The following LGALS3 variants were observed in gnomAD, a reference collection of about 807,000 sequenced individuals.
LGALS3 encodes galectin 3.
LGALS3 carries 18 observed loss-of-function variants against 20.7 expected under a neutral mutation model. The observed-to-expected ratio is 0.87, with a 90% CI of 0.60 to 1.29. The LOEUF (loss-of-function observed/expected upper bound fraction) is 1.29. Ranked by LOEUF, LGALS3 falls within the 50% of genes most tolerant of loss-of-function variation. LGALS3 has a pLI of 0.00. For missense variants in LGALS3, 315 were observed against 314.7 expected (o/e 1.00, Z -0.01); for synonymous variants, 112 against 119.6 (o/e 0.94, Z 0.42).
At chr14:55,131,636 C>T (rs528660103) in intron 1 of LGALS3, among the ~76,000 whole-genome samples, 3 of 152,346 alleles carry the variant, frequency 2.0e-5, no homozygotes, top group Non-Finnish European at 4.4e-5. Flanking sequence ...TGAACTGGAT[C>T]TTCTCATTAA....
chr14:55,140,442 T>C, intron 4 of LGALS3, 79 bp downstream of exon 4: 1 of 856,086 alleles, frequency 1.2e-6, no homozygotes, highest in Non-Finnish European at 1.9e-6. Context: ...TTTTTTCTTC[T>C]TGCCCTGTCT....
chr14:55,143,425 AC>A, intron 5 of LGALS3: 1 of 366,188 alleles, frequency 2.7e-6, no homozygotes, highest in South Asian at 2.0e-5. Flanking sequence ...ACTTAATAGC[AC>A]TTTTTTTTTT....
chr14:55,140,420 G>A, intron 4 of LGALS3, 57 bp downstream of exon 4: 1 of 1,109,486 alleles, frequency 9.0e-7, no homozygotes, highest in Non-Finnish European at 1.3e-6. Flanking sequence ...TTTGAATAAA[G>A]AATGGCCTAC....
Position 55,142,685 on chromosome 14 carries a change from A to G in LGALS3, c.533A>G (p.Asp178Gly). 6.2e-7 allele frequency: 1 copy of G among 1,614,020 alleles called. No individual in the cohort carries two copies. The highest frequency in any genetic ancestry group is 8.5e-7 in the Non-Finnish European group (1 of 1,179,864). The change falls in exon 5 of 6, where the codon GAT becomes GGT. Residue 178 changes from aspartate to glycine, a missense_variant. By Grantham distance (94) the Asp-to-Gly change is moderately conservative. Transcript: ENST00000254301. ...GTCATTGTTTGCAATACAAAGCTGG[A>G]TAATAACTGGGGAAGGGAAGAAAGA... Reference protein sequence around the residue: ...RRVIVCNTKLDNNWGREERQS... With the variant: ...RRVIVCNTKLGNNWGREERQS...
At chr14:55,144,513 T>C (rs2140297962) in intron 5 of LGALS3, among the ~76,000 whole-genome samples, 1 of 140,472 alleles carries the variant, frequency 7.1e-6, no homozygotes, top group East Asian at 2.0e-4. Flanking sequence ...ATCCTTCTAA[T>C]AAATTTGCTG....
At chr14:55,139,658 G>A (rs1594653158) in intron 3 of LGALS3, among the ~76,000 whole-genome samples, 1 of 152,114 alleles carries the variant, frequency 6.6e-6, no homozygotes, top group South Asian at 2.1e-4. Context: ...AGGTTTGGGT[G>A]ATAGTTAAAC....
At chr14:55,141,310 C>A (rs188455672) in intron 4 of LGALS3, among the ~76,000 whole-genome samples, 179 of 152,258 alleles carry the variant, frequency 1.2e-3, no homozygotes, top group African/African-American at 4.1e-3. Flanking sequence ...ACAATAATGC[C>A]CGTCTCATAG....
intron 1 of LGALS3, among the ~76,000 whole-genome samples, chr14:55,136,745 G>A (rs1881407449): frequency 6.6e-6 from 1 of 151,978 alleles, no homozygotes; most frequent in Non-Finnish European, 1.5e-5. Flanking sequence ...TCAAATACCC[G>A]GCCTTATTCA....
chr14:55,134,961 C>G (rs565395545), intron 1 of LGALS3, among the ~76,000 whole-genome samples: 1 of 151,586 alleles, frequency 6.6e-6, no homozygotes, highest in East Asian at 1.9e-4. Flanking sequence ...TTGAGACCAG[C>G]CTGGGCAACA....
intron 4 of LGALS3, 51 bp downstream of exon 4, chr14:55,140,414 A>G: frequency 8.5e-7 from 1 of 1,181,010 alleles, no homozygotes; most frequent in Non-Finnish European, 1.2e-6. Context: ...TTGGTTTTTG[A>G]ATAAAGAATG....
intron 3 of LGALS3, 113 bp downstream of exon 3, chr14:55,138,481 G>C: frequency 9.1e-7 from 1 of 1,104,746 alleles, no homozygotes; most frequent in Non-Finnish European, 1.4e-6. Context: ...ATGGGTGTAT[G>C]TTGGTAGAGT....
chr14:55,137,103 G>A, intron 1 of LGALS3: 1 of 557,836 alleles, frequency 1.8e-6, no homozygotes, highest in Admixed American at 3.1e-5. Flanking sequence ...GGATGGGGCA[G>A]TTAGTGGGGA....
chr14:55,144,476 C>T (rs1881743264), intron 5 of LGALS3, among the ~76,000 whole-genome samples: 1 of 151,522 alleles, frequency 6.6e-6, no homozygotes, highest in African/African-American at 2.4e-5. Flanking sequence ...AAATCTTTAG[C>T]CTCCACCTTT....
chr14:55,141,567 C>T (rs1881623417), intron 4 of LGALS3, among the ~76,000 whole-genome samples: 1 of 151,882 alleles, frequency 6.6e-6, no homozygotes, highest in Non-Finnish European at 1.5e-5. Flanking sequence ...ACTGGCAGAT[C>T]AAAACTAATT....
chr14:55,142,458 C>A, intron 4 of LGALS3, 126 bp from the exon 5 acceptor site: 1 of 623,746 alleles, frequency 1.6e-6, no homozygotes, highest in Non-Finnish European at 2.7e-6. Context: ...ATTTGCTTTC[C>A]ATTCAGAAAA....
At chr14:55,139,638 A>G (rs1429326329) in intron 3 of LGALS3, among the ~76,000 whole-genome samples, 1 of 152,184 alleles carries the variant, frequency 6.6e-6, no homozygotes, top group Non-Finnish European at 1.5e-5. Context: ...CCTTGTCTCA[A>G]AAAATAAAAA....
At chr14:55,137,530 T>TA in intron 2 of LGALS3, 139 bp downstream of exon 2, 1 of 1,581,940 alleles carries the variant, frequency 6.3e-7, no homozygotes, top group Non-Finnish European at 8.6e-7. Context: ...AATGAGGGCT[T>TA]GCAAGCTGGA....
At chr14:55,143,213 CGAT>C (rs1350611865) in intron 5 of LGALS3, among the ~76,000 whole-genome samples, 2 of 152,134 alleles carry the variant, frequency 1.3e-5, no homozygotes, top group African/African-American at 4.8e-5. Flanking sequence ...AGTTGCAATT[CGAT>C]GAGTATCTTC....
At position 55,145,396 on chromosome 14, in the gene LGALS3, A is replaced by C; in HGVS notation, c.*125A>C. 6.6e-7 allele frequency: 1 copy of C among 1,509,378 alleles called. No individual in the cohort carries two copies. The highest frequency in any genetic ancestry group is 8.9e-7 in the Non-Finnish European group (1 of 1,119,116). 93.5% of individuals were successfully genotyped at this position (1,509,378 alleles called of 1,614,324 possible). ...CCCTCTTGTAAGTCATCTACTTAAT[A>C]AATATTACAGTGAATTACCTGTCTC... On this transcript the variant is annotated 3_prime_UTR_variant, in exon 6 of 6. Coordinates refer to ENST00000254301, the MANE Select transcript of LGALS3 (RefSeq NM_002306.4).
Sources: allele counts gnomAD v4.1 joint callset (sites outside exome capture counted in the v4.1 genomes callset), GRCh38; gene constraint gnomAD v4.1.1; transcripts MANE v1.5; gene names NCBI Gene and HGNC (gene_info 2026-07-23, HGNC 2026-07-21).